Variants in GRID2 observed in about 807,000 individuals in gnomAD.
The protein encoded by GRID2 is glutamate ionotropic receptor delta type subunit 2, also known as glutamate receptor ionotropic, delta-2.
Under a neutral mutation model 114.8 loss-of-function variants are expected in GRID2, and 33 were observed. That is an observed-to-expected ratio of 0.29 (90% CI 0.22 to 0.38). GRID2 has a LOEUF of 0.38. Among genes scored for constraint, GRID2 ranks in the 10% least tolerant of loss-of-function variants. GRID2 has a pLI of 1.00. For synonymous variants in GRID2, 505 were observed against 449.9 expected (o/e 1.12, Z -1.55); for missense variants, 1,184 against 1,257.7 (o/e 0.94, Z 0.89).
chr4:93,707,615 T>A (rs900845127), intron 14 of GRID2, among the ~76,000 whole-genome samples: 15 of 151,932 alleles, frequency 9.9e-5, no homozygotes, highest in African/African-American at 3.6e-4. Flanking sequence ...GGCTAAAAGT[T>A]TTTTGATTTT....
intron 2 of GRID2, among the ~76,000 whole-genome samples, chr4:92,711,344 C>T (rs993941914): frequency 6.6e-6 from 1 of 152,156 alleles, no homozygotes; most frequent in South Asian, 2.1e-4. Flanking sequence ...AACATCTCAT[C>T]TCACTGCAGT....
chr4:93,286,947 C>A (rs1009828113), intron 8 of GRID2, among the ~76,000 whole-genome samples: 2 of 152,040 alleles, frequency 1.3e-5, no homozygotes, highest in Non-Finnish European at 2.9e-5. Context: ...GTTTTGACTT[C>A]ATTCTAGCTG....
intron 2 of GRID2, among the ~76,000 whole-genome samples, chr4:92,780,274 T>C (rs964102807): frequency 2.0e-4 from 31 of 152,164 alleles, no homozygotes; most frequent in African/African-American, 6.5e-4. Context: ...GTTGAGTTGT[T>C]TTGTTTTTAG....
intron 1 of GRID2, among the ~76,000 whole-genome samples, chr4:92,552,395 G>A (rs1726637005): frequency 1.3e-5 from 2 of 152,146 alleles, no homozygotes; most frequent in African/African-American, 4.8e-5. Flanking sequence ...ACATTTGATA[G>A]AGTAGTTTCA....
intron 2 of GRID2, among the ~76,000 whole-genome samples, chr4:92,906,711 T>A (rs1747985244): frequency 6.6e-6 from 1 of 152,064 alleles, no homozygotes; most frequent in South Asian, 2.1e-4. Context: ...CTCCACCTCC[T>A]GGGTTCAAGC....
chr4:92,695,724 A>C (rs1560537461), intron 2 of GRID2, among the ~76,000 whole-genome samples: 2 of 152,164 alleles, frequency 1.3e-5, no homozygotes, highest in South Asian at 4.1e-4. Flanking sequence ...GGAAATGACC[A>C]GTGCCACTAG....
chr4:92,939,534 T>C lies in GRID2; in HGVS notation c.245-145461T>C, dbSNP rs919435635. On this transcript the variant is annotated intron_variant, in intron 2 of 15. Transcript: ENST00000282020. ...GTAGGTTCCCTGTTCACTCTGATAG[T>C]AGTTTCTGTTGCTGTGCAGAAGCTC... Among the ~76,000 whole-genome samples the C allele has an allele frequency of 1.4e-5, 2 of 147,528 alleles. 1 individual carries two copies. The highest frequency in any genetic ancestry group is 4.5e-4 in the South Asian group (2 of 4,428).
At chr4:92,509,656 G>A (rs980135516) in intron 1 of GRID2, among the ~76,000 whole-genome samples, 8 of 151,924 alleles carry the variant, frequency 5.3e-5, no homozygotes, top group Non-Finnish European at 8.8e-5. Context: ...TAGAGTAGTG[G>A]CATTGCAAAT....
intron 13 of GRID2, among the ~76,000 whole-genome samples, chr4:93,576,528 C>T (rs551808452): frequency 1.3e-5 from 2 of 152,284 alleles, no homozygotes; most frequent in African/African-American, 4.8e-5. Context: ...TTAACAATAA[C>T]TTCATAGATA....
intron 1 of GRID2, among the ~76,000 whole-genome samples, chr4:92,309,695 A>G (rs1436828610): frequency 1.3e-5 from 2 of 152,012 alleles, no homozygotes; most frequent in African/African-American, 2.4e-5. Context: ...ATGCTAGGAC[A>G]TATCAACACA....
chr4:92,913,228 G>A (rs1483302523), intron 2 of GRID2, among the ~76,000 whole-genome samples: 1 of 151,728 alleles, frequency 6.6e-6, no homozygotes, highest in African/African-American at 2.4e-5. Flanking sequence ...ACAGACATTT[G>A]CTACTTTGTC....
chr4:93,414,505 T>A (rs896510283), intron 9 of GRID2, among the ~76,000 whole-genome samples: 1 of 152,092 alleles, frequency 6.6e-6, no homozygotes, highest in South Asian at 2.1e-4. Flanking sequence ...GTGTCTCTTC[T>A]GTCTCTTAAA....
At chr4:93,751,902 C>G (rs1029084472) in intron 14 of GRID2, among the ~76,000 whole-genome samples, 5 of 152,122 alleles carry the variant, frequency 3.3e-5, no homozygotes, top group African/African-American at 4.8e-5. Context: ...TGCTTTCTTA[C>G]CCATACTCCC....
At chr4:93,066,938 A>G (rs1728347286) in intron 2 of GRID2, among the ~76,000 whole-genome samples, 1 of 152,020 alleles carries the variant, frequency 6.6e-6, no homozygotes, top group African/African-American at 2.4e-5. Context: ...GGTAGCATGT[A>G]CAGTGTGGAT....
chr4:93,751,130 A>G (rs980146462), intron 14 of GRID2, among the ~76,000 whole-genome samples: 1 of 152,216 alleles, frequency 6.6e-6, no homozygotes, highest in African/African-American at 2.4e-5. Context: ...TGACATTATC[A>G]ATAAAAGTGA....
intron 2 of GRID2, among the ~76,000 whole-genome samples, chr4:93,052,545 C>T (rs1242836729): frequency 5.3e-5 from 8 of 151,820 alleles, no homozygotes; most frequent in Non-Finnish European, 1.0e-4. Context: ...AATTGTAACA[C>T]AATGATAAGC....
At chr4:92,519,976 C>T (rs1355989007) in intron 1 of GRID2, among the ~76,000 whole-genome samples, 1 of 151,874 alleles carries the variant, frequency 6.6e-6, no homozygotes, top group East Asian at 1.9e-4. Context: ...TAGAAACACC[C>T]TCACAGACAT....
Position 92,842,929 on chromosome 4 carries a change from A to G in GRID2, c.245-242066A>G, listed in dbSNP as rs1047929878. On this transcript the variant is annotated intron_variant, in intron 2 of 15. Transcript: ENST00000282020. ...TGTATTAGAAAAGATGAGGCTGTAG[A>G]TAAGAAGTCAAAACCAAAAAGAATT... Among the ~76,000 whole-genome samples the G allele has an allele frequency of 8.5e-5, 13 of 152,150 alleles. No homozygotes were observed. In the East Asian group the frequency reaches 2.5e-3, roughly 29 times the overall value.
chr4:93,714,832 CCTTT>C (rs1227931580), intron 14 of GRID2, among the ~76,000 whole-genome samples: 6 of 152,084 alleles, frequency 3.9e-5, no homozygotes, highest in African/African-American at 1.4e-4. Context: ...GGATATTAGA[CCTTT>C]GTCCAATGGA....
Sources: allele counts gnomAD v4.1 joint callset (sites outside exome capture counted in the v4.1 genomes callset), GRCh38; gene constraint gnomAD v4.1.1; transcripts MANE v1.5; gene names NCBI Gene and HGNC (gene_info 2026-07-23, HGNC 2026-07-21).